The following PIP5K1C variants were observed in gnomAD, a reference collection of about 807,000 sequenced individuals.
The protein encoded by PIP5K1C is phosphatidylinositol 4-phosphate 5-kinase type-1 gamma.
In PIP5K1C, 45 loss-of-function variants were observed where a neutral mutation model predicts 80.1. The ratio of observed to expected loss-of-function variants is 0.56; its 90% CI spans 0.44 to 0.72. PIP5K1C has a LOEUF of 0.72. Ranked by LOEUF, PIP5K1C falls within the 30% of genes least tolerant of loss-of-function variation. PIP5K1C has a pLI of 0.00. For missense variants in PIP5K1C, 753 were observed against 954.6 expected (o/e 0.79, Z 2.78); for synonymous variants, 498 against 420.1 (o/e 1.19, Z -2.27).
intron 11 of PIP5K1C, 53 bp downstream of exon 11, chr19:3,645,921 G>T: frequency 7.1e-7 from 1 of 1,417,772 alleles, no homozygotes; most frequent in Non-Finnish European, 1.0e-6. Context: ...GCCCCACGGC[G>T]CTCTGGGCCT....
chr19:3,663,176 A>ATTTT (rs200376758), intron 3 of PIP5K1C, among the ~76,000 whole-genome samples: 1 of 151,872 alleles, frequency 6.6e-6, no homozygotes, highest in African/African-American at 2.4e-5. Context: ...GGCTGCTGTT[A>ATTTT]TTTTTGCCAT....
At chr19:3,646,135 C>T in intron 10 of PIP5K1C, 77 bp from the exon 11 acceptor site, 1 of 890,750 alleles carries the variant, frequency 1.1e-6, no homozygotes, top group Non-Finnish European at 1.9e-6. Flanking sequence ...CAGACAGACG[C>T]TGTATGTGTG....
intron 15 of PIP5K1C, 71 bp downstream of exon 15, chr19:3,641,634 T>G (rs1420679092): frequency 1.1e-5 from 12 of 1,095,948 alleles, no homozygotes; most frequent in Non-Finnish European, 1.7e-5. Context: ...TGATGAAACC[T>G]CGGGGTGCTC....
chr19:3,679,561 G>A (rs560735093), intron 1 of PIP5K1C, among the ~76,000 whole-genome samples: 2 of 152,178 alleles, frequency 1.3e-5, no homozygotes, highest in African/African-American at 2.4e-5. Context: ...AGACCTACTC[G>A]CTACTCAGTA....
chr19:3,661,014 G>A lies in PIP5K1C; in HGVS notation c.420C>T (p.Ala140=), dbSNP rs768187213. Residue 140 remains alanine, a synonymous_variant, in exon 5 of 18, where the codon GCC becomes GCT. Transcript: ENST00000335312. ...DFRFKTYAPV[A]FRYFRELFGI... Reference sequence around the variant, plus strand: ...CAAAGAGCTCCCGGAAGTAGCGGAAGGCGACAGGTGCATAGGTCTTGAAGC... The same window carrying A: ...CAAAGAGCTCCCGGAAGTAGCGGAAAGCGACAGGTGCATAGGTCTTGAAGC... 6.2e-7 allele frequency: 1 copy of A among 1,614,112 alleles called. No homozygotes were observed. The highest frequency in any genetic ancestry group is 8.5e-7 in the Non-Finnish European group (1 of 1,179,998).
intron 3 of PIP5K1C, among the ~76,000 whole-genome samples, chr19:3,664,178 A>G (rs1197621438): frequency 6.6e-6 from 1 of 152,210 alleles, no homozygotes; most frequent in African/African-American, 2.4e-5. Context: ...GCTGATCCAC[A>G]GACGCAGGAA....
chr19:3,645,876 C>T (rs2034191718), intron 11 of PIP5K1C, 98 bp downstream of exon 11: 2 of 903,842 alleles, frequency 2.2e-6, no homozygotes, highest in African/African-American at 1.6e-5. Context: ...ACTGCCCTGC[C>T]CAGGGGGCTC....
At chr19:3,686,586 C>T (rs999032194) in intron 1 of PIP5K1C, among the ~76,000 whole-genome samples, 3 of 151,496 alleles carry the variant, frequency 2.0e-5, no homozygotes, top group Non-Finnish European at 2.9e-5. Flanking sequence ...GACGTGATGG[C>T]GGGCGCCTGT....
chr19:3,677,068 C>T (rs959867272), intron 1 of PIP5K1C, among the ~76,000 whole-genome samples: 1 of 151,946 alleles, frequency 6.6e-6, no homozygotes, highest in Non-Finnish European at 1.5e-5. Flanking sequence ...CACCACTGCA[C>T]TCTAGCCTGG....
rs557460654 is a variant in PIP5K1C at position 3,692,053 on chromosome 19, T to C, written c.94+8244A>G. Among the ~76,000 whole-genome samples the C allele has an allele frequency of 6.6e-6, 1 of 152,314 alleles. No homozygotes were observed. The highest frequency in any genetic ancestry group is 6.5e-5 in the Admixed American group (1 of 15,302). On this transcript the variant is annotated intron_variant, in intron 1 of 17. Transcript: ENST00000335312. This position sits in a 1 kb window ranked among gnomAD's most constrained non-coding sequence, Gnocchi z 5.2. ...AGCACCGCACGGGAAGGGTGCACAGTGGGAGCTGCCCGCTCACGTCCCTGT... is the reference window on the plus strand; with the variant it reads ...AGCACCGCACGGGAAGGGTGCACAGCGGGAGCTGCCCGCTCACGTCCCTGT...
chr19:3,660,740 A>G (rs1299409371), intron 5 of PIP5K1C, among the ~76,000 whole-genome samples: 1 of 152,050 alleles, frequency 6.6e-6, no homozygotes, highest in African/African-American at 2.4e-5. Context: ...CTCCCAGCCA[A>G]CGCCAGCCAG....
chr19:3,676,688 G>A lies in PIP5K1C; in HGVS notation c.95-9335C>T, dbSNP rs372576370. Among the ~76,000 whole-genome samples, 92 of 152,286 alleles carry A rather than the reference G, an allele frequency of 6.0e-4. 1 individual carries two copies. The highest frequency in any genetic ancestry group is 2.1e-3 in the African/African-American group (89 of 41,564). ...TTTAGGAAGTTACCCAAAGTCAACG[G>A]TGAAAAACGCTGTGATCCCATCTCC... On this transcript the variant is annotated intron_variant, in intron 1 of 17. Coordinates refer to ENST00000335312, the MANE Select transcript of PIP5K1C (RefSeq NM_012398.3).
chr19:3,650,188 TGCCAGCCAGC>T (rs1157280918), intron 8 of PIP5K1C, among the ~76,000 whole-genome samples: 19 of 152,170 alleles, frequency 1.2e-4, no homozygotes, highest in African/African-American at 4.6e-4. Context: ...TGCCAGCCAG[TGCCAGCCAGC>T]ACCGTCCCTG....
Position 3,637,364 on chromosome 19 carries a change from C to T in PIP5K1C, c.1920+1520G>A, listed in dbSNP as rs925867780. 9.8e-6 allele frequency: 15 copies of T among 1,535,114 alleles called. No homozygotes were observed. Among genetic ancestry groups the T allele is most frequent in the South Asian group, 3.6e-5 (3 of 84,052 alleles). On this transcript the variant is annotated intron_variant, in intron 16 of 17. Coordinates refer to ENST00000335312, the MANE Select transcript of PIP5K1C (RefSeq NM_012398.3). This position sits in a 1 kb window ranked among gnomAD's most constrained non-coding sequence, Gnocchi z 7.0. Reference sequence around the variant, plus strand: ...ATTCCCAGTGACGCATGCAGCCCAGCGCCTGGTCCGGGGCCAGCGTGGCTG... The same window carrying T: ...ATTCCCAGTGACGCATGCAGCCCAGTGCCTGGTCCGGGGCCAGCGTGGCTG...
intron 1 of PIP5K1C, among the ~76,000 whole-genome samples, chr19:3,685,287 T>G (rs1410286695): frequency 6.6e-6 from 1 of 152,190 alleles, no homozygotes; most frequent in Non-Finnish European, 1.5e-5. Context: ...GGCAGCAACT[T>G]CAATTCTAGA....
At chr19:3,676,128 A>G (rs927352447) in intron 1 of PIP5K1C, among the ~76,000 whole-genome samples, 1 of 151,782 alleles carries the variant, frequency 6.6e-6, no homozygotes, top group Non-Finnish European at 1.5e-5. Flanking sequence ...ACCGCTGGGG[A>G]GAACCCATGT....
rs1321310553 is a variant in PIP5K1C, at chr19:3,632,682, G to C, written c.*485C>G. ...TCCGCTTCCCACGTGGATGGAGGCA[G>C]AGTTGCTCGGGACCCCAGCCGTCCC... On this transcript the variant is annotated 3_prime_UTR_variant, in exon 18 of 18. Transcript: ENST00000335312. The C allele has an allele frequency of 1.2e-5, 2 of 161,740 alleles. No homozygotes were observed. Among genetic ancestry groups the C allele is most frequent in the African/African-American group, 4.8e-5 (2 of 41,650 alleles). The allele number at this position is 161,740 out of a possible 1,614,324, so 10.0% of individuals were successfully genotyped here.
Position 3,637,916 on chromosome 19 carries a change from TGAC to T in PIP5K1C, c.1920+965_1920+967del. 2 of 1,534,990 alleles carry T rather than the reference TGAC, an allele frequency of 1.3e-6. No homozygotes were observed. Among genetic ancestry groups the T allele is most frequent in the Non-Finnish European group, 1.7e-6 (2 of 1,146,628 alleles). On this transcript the variant is annotated intron_variant, in intron 16 of 17. Transcript: ENST00000335312. The surrounding 1 kb of genome is among the most constrained non-coding windows in gnomAD (Gnocchi z 7.0). Reference sequence around the variant, plus strand: ...CACAAACCAGTCCCAGGAAAAGGGGTGACGACGTGCGGTGGGTAGGGGCACAGG... The same window carrying T: ...CACAAACCAGTCCCAGGAAAAGGGGTGACGTGCGGTGGGTAGGGGCACAGG...
chr19:3,699,819 T>C (rs1038277690), intron 1 of PIP5K1C, among the ~76,000 whole-genome samples: 1 of 152,122 alleles, frequency 6.6e-6, no homozygotes, highest in African/African-American at 2.4e-5. Context: ...TGGAGGCATC[T>C]TGAGATGTAA....
Sources: gnomAD v4.1 joint callset for allele counts (sites outside exome capture counted in the v4.1 genomes callset) on GRCh38, gnomAD v4.1.1 for gene constraint, Gnocchi (gnomAD v3.1) non-coding constraint, MANE v1.5 for transcripts, NCBI Gene and HGNC (gene_info 2026-07-23, HGNC 2026-07-21) for gene names.